Variants in CPEB1 observed in about 807,000 individuals in gnomAD.
The protein encoded by CPEB1 is cytoplasmic polyadenylation element-binding protein 1.
In CPEB1, 7 loss-of-function variants were observed where a neutral mutation model predicts 65.8. That is an observed-to-expected ratio of 0.11 (90% CI 0.06 to 0.20). The LOEUF is 0.20. Ranked by LOEUF, CPEB1 falls within the 10% of genes least tolerant of loss-of-function variation. CPEB1 has a pLI of 1.00. For synonymous variants in CPEB1, 262 were observed against 260.0 expected, an observed-to-expected ratio of 1.01 and a Z score of -0.08; for missense variants, 551 against 712.2, an observed-to-expected ratio of 0.77 and a Z score of 2.58.
intron 1 of CPEB1, chr15:82,629,448 C>CTA (rs71297508): frequency 0.02 from 19,459 of 962,832 alleles, 175 homozygotes; most frequent in African/African-American, 0.054. Flanking sequence ...AAAAGAACTC[C>CTA]TATATATATA....
intron 1 of CPEB1, chr15:82,629,355 T>C (rs1184615727): frequency 1.0e-6 from 1 of 984,942 alleles, no homozygotes; most frequent in Non-Finnish European, 1.2e-6. Flanking sequence ...ACTGATTAAG[T>C]TATACAACTC....
intron 3 of CPEB1, among the ~76,000 whole-genome samples, chr15:82,578,126 C>G (rs958966857): frequency 6.6e-6 from 1 of 151,506 alleles, no homozygotes; most frequent in African/African-American, 2.4e-5. Flanking sequence ...GGCAACAGAG[C>G]GAGACTCCGT....
Position 82,629,266 on chromosome 15 carries a change from G to A in CPEB1, c.-97-710C>T, listed in dbSNP as rs147242740. 77 of 985,356 alleles carry A rather than the reference G, an allele frequency of 7.8e-5. No individual in the cohort carries two copies. The African/African-American group carries it at 1.2e-3, about 15-fold the overall frequency. 61.0% of individuals were successfully genotyped at this position (985,356 alleles called of 1,614,324 possible). ...TGTAAAGCATTTTGCATGGCATACA[G>A]TAGCTGCTAATTTGTATCTGCAAAC... On this transcript the variant is annotated intron_variant, in intron 1 of 12. Coordinates refer to ENST00000684509, the MANE Select transcript of CPEB1 (RefSeq NM_001365242.1).
At chr15:82,546,354 C>T in intron 12 of CPEB1, 87 bp downstream of exon 12, 2 of 1,077,510 alleles carry the variant, frequency 1.9e-6, no homozygotes, top group Non-Finnish European at 2.8e-6. Context: ...CTTGGCATCC[C>T]AAAGTGCTGG....
chr15:82,551,111 G>T (rs1037121767), intron 9 of CPEB1, among the ~76,000 whole-genome samples: 3 of 152,168 alleles, frequency 2.0e-5, no homozygotes, highest in African/African-American at 7.2e-5. Context: ...AAGAAGCAGA[G>T]AAGGTAGGGA....
chr15:82,576,147 A>G (rs551794598), intron 3 of CPEB1, among the ~76,000 whole-genome samples: 1 of 152,378 alleles, frequency 6.6e-6, no homozygotes, highest in South Asian at 2.1e-4. Flanking sequence ...ATAAAAAGGA[A>G]TAATACAGGC....
Position 82,606,584 on chromosome 15 carries a change from C to T in CPEB1, c.271+20609G>A, listed in dbSNP as rs1203993450. ...CTGTAATCCCAGCACTTTGGGAGGC[C>T]GAGGCGGGCGGATCACGAGGTCAGG... On this transcript the variant is annotated intron_variant, in intron 3 of 12. Transcript: ENST00000684509. 3.6e-4 allele frequency among the ~76,000 whole-genome samples: 17 copies of T among 47,114 alleles called. 3 individuals carry two copies. Among genetic ancestry groups the T allele is most frequent in the Non-Finnish European group, 6.8e-4 (16 of 23,568 alleles). The allele number at this position is 47,114 out of a possible 152,430, so 30.9% of individuals were successfully genotyped here. A position where few individuals can be genotyped will look rare whatever the true frequency, so the allele number is the denominator to read the frequency against.
chr15:82,645,888 TAA>T (rs2047471371), intron 1 of CPEB1, among the ~76,000 whole-genome samples: 2 of 150,762 alleles, frequency 1.3e-5, no homozygotes, highest in African/African-American at 4.9e-5. Context: ...AATAAATAAA[TAA>T]ATATTAAAAA....
At chr15:82,569,302 C>G (rs1045285509) in intron 4 of CPEB1, among the ~76,000 whole-genome samples, 4 of 152,138 alleles carry the variant, frequency 2.6e-5, no homozygotes, top group Non-Finnish European at 4.4e-5. Context: ...CACCACAGCT[C>G]CAAAACCAAA....
At chr15:82,621,206 A>C (rs1219727163) in intron 3 of CPEB1, among the ~76,000 whole-genome samples, 1 of 152,200 alleles carries the variant, frequency 6.6e-6, no homozygotes, top group Non-Finnish European at 1.5e-5. Flanking sequence ...TCAGTCAAAA[A>C]TTCAACATTA....
At chr15:82,563,955 G>A (rs1015120448) in intron 4 of CPEB1, among the ~76,000 whole-genome samples, 10 of 152,136 alleles carry the variant, frequency 6.6e-5, no homozygotes, top group African/African-American at 1.9e-4. Context: ...GATCCCAGAG[G>A]ATAAGACAGT....
intron 1 of CPEB1, among the ~76,000 whole-genome samples, chr15:82,639,528 A>C (rs940592044): frequency 6.6e-6 from 1 of 151,922 alleles, no homozygotes; most frequent in African/African-American, 2.4e-5. Context: ...TGACATGTCT[A>C]CACATTAAAG....
chr15:82,558,838 T>C (rs571405659), intron 4 of CPEB1, among the ~76,000 whole-genome samples: 3 of 152,174 alleles, frequency 2.0e-5, no homozygotes, highest in Non-Finnish European at 4.4e-5. Flanking sequence ...TTTTCCACAC[T>C]TGGCCTTGGG....
At chr15:82,558,379 C>A (rs182746911) in intron 4 of CPEB1, among the ~76,000 whole-genome samples, 1 of 152,152 alleles carries the variant, frequency 6.6e-6, no homozygotes, top group Admixed American at 6.5e-5. Flanking sequence ...TACTGCCTGA[C>A]GATTTGTTTA....
chr15:82,633,435 C>T (rs1266465058), intron 1 of CPEB1, among the ~76,000 whole-genome samples: 1 of 152,242 alleles, frequency 6.6e-6, no homozygotes, highest in East Asian at 1.9e-4. Flanking sequence ...CGCAATGGCT[C>T]AATCTCCGCT....
At position 82,557,853 on chromosome 15, in the gene CPEB1, G is replaced by A. The variant is rs1567176140; in HGVS notation, c.594C>T (p.Asp198=). 6.2e-7 allele frequency: 1 copy of A among 1,614,152 alleles called. No homozygotes were observed. The highest frequency in any genetic ancestry group is 8.5e-7 in the Non-Finnish European group (1 of 1,180,018). ...PAPSVRGSRL[D]TRPILDSRSS... is the part of the protein sequence containing the mutation. The stretch of plus-strand genomic sequence containing the variant: ...ATCGAGAGTCCAGGATGGGCCGGGT[G>A]TCCAGGCGTGATCCTCTAACTGAGG... The change falls in exon 5 of 13, where the codon GAC becomes GAT. Residue 198 remains aspartate, a synonymous_variant. Transcript: ENST00000684509.
At chr15:82,612,352 C>T (rs1477104435) in intron 3 of CPEB1, among the ~76,000 whole-genome samples, 1 of 151,730 alleles carries the variant, frequency 6.6e-6, no homozygotes, top group East Asian at 1.9e-4. Flanking sequence ...CAAAAATTAG[C>T]CAGCCATGGT....
chr15:82,555,747 C>G (rs747236441), intron 6 of CPEB1, 123 bp downstream of exon 6: 9 of 977,700 alleles, frequency 9.2e-6, no homozygotes, highest in Non-Finnish European at 1.3e-5. Context: ...CTTTGCAGAT[C>G]TGGAGACTTC....
At chr15:82,618,045 C>T (rs2044921797) in intron 3 of CPEB1, among the ~76,000 whole-genome samples, 2 of 151,378 alleles carry the variant, frequency 1.3e-5, no homozygotes, top group African/African-American at 4.9e-5. Context: ...TTTGTAACTT[C>T]TTTGTAACTT....
Sources: gnomAD v4.1 joint callset for allele counts (sites outside exome capture counted in the v4.1 genomes callset) on GRCh38, gnomAD v4.1.1 for gene constraint, MANE v1.5 for transcripts, NCBI Gene and HGNC (gene_info 2026-07-23, HGNC 2026-07-21) for gene names.